PRKCE: variants seen among roughly 807,000 people sequenced by gnomAD.
PRKCE encodes protein kinase C epsilon type.
A neutral mutation model predicts 85.4 loss-of-function variants in PRKCE; 16 were observed. The observed-to-expected ratio is 0.19, with a 90% CI of 0.13 to 0.28. The LOEUF (loss-of-function observed/expected upper bound fraction) is 0.28. Ranked by LOEUF, PRKCE falls within the 10% of genes least tolerant of loss-of-function variation. The pLI is 1.00. For synonymous variants in PRKCE, 388 were observed against 371.5 expected (o/e 1.04, Z -0.51); for missense variants, 573 against 975.2 (o/e 0.59, Z 5.49).
At chr2:45,703,022 C>CCT (rs1042249595) in intron 1 of PRKCE, among the ~76,000 whole-genome samples, 3 of 55,168 alleles carry the variant, frequency 5.4e-5, no homozygotes, top group African/African-American at 1.5e-4. Context: ...AGCCTTTTTT[C>CCT]CCCCCCCGTC....
intron 1 of PRKCE, among the ~76,000 whole-genome samples, chr2:45,725,379 G>A (rs1680970850): frequency 1.3e-5 from 2 of 152,208 alleles, no homozygotes; most frequent in African/African-American, 4.8e-5. Context: ...TTTCATGCCT[G>A]CTAATACAAC....
intron 2 of PRKCE, among the ~76,000 whole-genome samples, chr2:45,874,387 C>T (rs1694318074): frequency 6.6e-6 from 1 of 152,232 alleles, no homozygotes; most frequent in Admixed American, 6.5e-5. Context: ...TGTCCTCTGG[C>T]CTCCTGTCCG....
intron 10 of PRKCE, among the ~76,000 whole-genome samples, chr2:46,040,488 G>A (rs1313716691): frequency 6.6e-6 from 1 of 152,138 alleles, no homozygotes; most frequent in African/African-American, 2.4e-5. Flanking sequence ...GCTCACCCCA[G>A]TTCAACTGAA....
chr2:45,844,538 C>T (rs1376153144), intron 2 of PRKCE, among the ~76,000 whole-genome samples: 1 of 152,204 alleles, frequency 6.6e-6, no homozygotes, highest in Non-Finnish European at 1.5e-5. Flanking sequence ...GAGGTGAAGC[C>T]TTGTCCTTGC....
intron 1 of PRKCE, among the ~76,000 whole-genome samples, chr2:45,797,797 G>A (rs756886963): frequency 2.8e-4 from 42 of 152,220 alleles, no homozygotes; most frequent in African/African-American, 6.3e-4. Flanking sequence ...GGCGCTTGGC[G>A]CTTTCAGCAT....
chr2:46,064,180 G>T (rs962031388), intron 10 of PRKCE, among the ~76,000 whole-genome samples: 6 of 151,574 alleles, frequency 4.0e-5, no homozygotes, highest in African/African-American at 9.7e-5. Context: ...TACTCAGGAG[G>T]CTGAGGCAGG....
chr2:46,114,566 C>T (rs1672584630), intron 11 of PRKCE, among the ~76,000 whole-genome samples: 2 of 151,732 alleles, frequency 1.3e-5, no homozygotes, highest in South Asian at 2.1e-4. Context: ...TACAGGCACC[C>T]GCCACCACGC....
At chr2:45,902,729 G>T (rs1390371011) in intron 2 of PRKCE, among the ~76,000 whole-genome samples, 1 of 152,190 alleles carries the variant, frequency 6.6e-6, no homozygotes, top group Admixed American at 6.5e-5. Context: ...TAAAGTAGGG[G>T]CTAGAAAGAA....
intron 1 of PRKCE, among the ~76,000 whole-genome samples, chr2:45,813,115 C>A (rs959074339): frequency 6.6e-6 from 1 of 152,144 alleles, no homozygotes; most frequent in African/African-American, 2.4e-5. Flanking sequence ...GCATCCAGTT[C>A]CAGGAGGCAA....
chr2:45,894,187 C>T (rs552235850), intron 2 of PRKCE, among the ~76,000 whole-genome samples: 4 of 151,900 alleles, frequency 2.6e-5, no homozygotes, highest in South Asian at 2.1e-4. Context: ...TATCAGTTTT[C>T]GAAGATCTCT....
At chr2:46,087,897 G>T (rs1283246993) in intron 11 of PRKCE, among the ~76,000 whole-genome samples, 1 of 152,196 alleles carries the variant, frequency 6.6e-6, no homozygotes, top group Non-Finnish European at 1.5e-5. Context: ...CAGCAGGAGA[G>T]CAAGTCTTTT....
chr2:45,679,630 G>A (rs1313920516), intron 1 of PRKCE, among the ~76,000 whole-genome samples: 2 of 152,170 alleles, frequency 1.3e-5, no homozygotes, highest in Admixed American at 1.3e-4. Context: ...CTTGAATGAT[G>A]GGGTGGATCG....
intron 1 of PRKCE, among the ~76,000 whole-genome samples, chr2:45,664,418 G>A (rs113731122): frequency 2.0e-5 from 3 of 152,202 alleles, no homozygotes; most frequent in African/African-American, 7.2e-5. Flanking sequence ...CTTATTATTG[G>A]TAATTATCTG....
intron 11 of PRKCE, among the ~76,000 whole-genome samples, chr2:46,119,045 A>G (rs185720765): frequency 7.9e-4 from 121 of 152,294 alleles, no homozygotes; most frequent in Non-Finnish European, 1.5e-3. Context: ...AAGTTTTCCT[A>G]TCTCTGGCTC....
chr2:45,873,691 C>T (rs7579648), intron 2 of PRKCE, among the ~76,000 whole-genome samples: 33,728 of 152,178 alleles, frequency 0.22, 4,337 homozygotes, highest in African/African-American at 0.35. Context: ...TCACTCCTCC[C>T]GGAGATCTTT....
chr2:46,046,544 T>C (rs1435321657), intron 10 of PRKCE, among the ~76,000 whole-genome samples: 2 of 152,244 alleles, frequency 1.3e-5, no homozygotes, highest in African/African-American at 2.4e-5. Flanking sequence ...GTTTCCTCGA[T>C]GTACACGTCA....
intron 1 of PRKCE, among the ~76,000 whole-genome samples, chr2:45,779,123 A>C (rs914071699): frequency 3.9e-5 from 6 of 152,166 alleles, no homozygotes; most frequent in African/African-American, 9.7e-5. Context: ...GTAACTTGGA[A>C]CTTTACTGAG....
chr2:45,789,117 T>C (rs13397403), intron 1 of PRKCE, among the ~76,000 whole-genome samples: 3,899 of 152,152 alleles, frequency 0.026, 171 homozygotes, highest in African/African-American at 0.089. Flanking sequence ...GACAGGTTCT[T>C]GGTGGGGGAA....
chr2:46,099,365 G>C (rs1670994804), intron 11 of PRKCE, among the ~76,000 whole-genome samples: 1 of 152,070 alleles, frequency 6.6e-6, no homozygotes, highest in South Asian at 2.1e-4. Context: ...CTCATTGACA[G>C]GCCTTTGACA....
Sources: gnomAD v4.1 joint callset for allele counts (sites outside exome capture counted in the v4.1 genomes callset) on GRCh38, gnomAD v4.1.1 for gene constraint, MANE v1.5 for transcripts, NCBI Gene and HGNC (gene_info 2026-07-23, HGNC 2026-07-21) for gene names.